STIM1: variants seen among roughly 807,000 people sequenced by gnomAD.
STIM1 encodes stromal interaction molecule 1.
A neutral mutation model predicts 74.7 loss-of-function variants in STIM1; 25 were observed. The ratio of observed to expected loss-of-function variants is 0.33; its 90% CI spans 0.24 to 0.47. The LOEUF (loss-of-function observed/expected upper bound fraction) is 0.47. Ranked by LOEUF, STIM1 falls within the 20% of genes least tolerant of loss-of-function variation. The pLI is 1.00. For synonymous variants in STIM1, 328 were observed against 348.8 expected, an observed-to-expected ratio of 0.94 and a Z score of 0.66; for missense variants, 728 against 920.8, an observed-to-expected ratio of 0.79 and a Z score of 2.71.
chr11:4,062,171 A>G (rs1235792863), intron 5 of STIM1, among the ~76,000 whole-genome samples: 1 of 152,236 alleles, frequency 6.6e-6, no homozygotes, highest in Admixed American at 6.5e-5. Context: ...TTTAAAAAGC[A>G]TATACAACAA....
intron 1 of STIM1, among the ~76,000 whole-genome samples, chr11:3,914,972 T>G (rs1039201913): frequency 6.6e-6 from 1 of 152,144 alleles, no homozygotes; most frequent in African/African-American, 2.4e-5. Context: ...GGGTGTGACA[T>G]GTTATCTCGT....
intron 5 of STIM1, among the ~76,000 whole-genome samples, chr11:4,065,337 C>G (rs2094358249): frequency 1.3e-5 from 2 of 152,120 alleles, no homozygotes; most frequent in Admixed American, 6.5e-5. Flanking sequence ...GTACCTGCAT[C>G]CTTACCCTCT....
intron 2 of STIM1, among the ~76,000 whole-genome samples, chr11:3,983,565 A>G (rs936234314): frequency 6.6e-6 from 1 of 152,134 alleles, no homozygotes; most frequent in East Asian, 1.9e-4. Flanking sequence ...AGGGGCCTGA[A>G]TCAATTTCTT....
At chr11:3,867,952 G>A (rs2090926215) in intron 1 of STIM1, 2 of 152,196 alleles carry the variant, frequency 1.3e-5, no homozygotes, top group Non-Finnish European at 2.9e-5. Context: ...GCCTCTCTGG[G>A]TTATCTCAGG....
At chr11:4,086,936 C>A in intron 12 of STIM1, 1 of 1,481,624 alleles carries the variant, frequency 6.7e-7, no homozygotes, top group Admixed American at 2.1e-5. Flanking sequence ...TGCCTGCCAG[C>A]TGCTGCTTGA....
intron 2 of STIM1, among the ~76,000 whole-genome samples, chr11:3,995,024 A>G (rs981025621): frequency 4.6e-5 from 7 of 151,880 alleles, no homozygotes; most frequent in Non-Finnish European, 8.8e-5. Context: ...CTCTTTATTG[A>G]CATTCTTTAT....
At position 3,855,931 on chromosome 11, in the gene STIM1, A is replaced by C; in HGVS notation, c.-340A>C. 1 of 333,048 alleles carries C rather than the reference A, an allele frequency of 3.0e-6. No individual in the cohort carries two copies. The highest frequency in any genetic ancestry group is 3.0e-5 in the South Asian group (1 of 33,824). The allele number at this position is 333,048 out of a possible 1,614,324, so 20.6% of individuals were successfully genotyped here. ...CTCCTCCACTTCTGTGCCCGCGGAG[A>C]CTCCGGCCGCCCCCTTCCGCAGGGG... is the stretch of plus-strand genomic sequence containing the variant. On this transcript the variant is annotated 5_prime_UTR_variant, in exon 1 of 13. Coordinates refer to ENST00000526596, the MANE Select transcript of STIM1 (RefSeq NM_001382567.1).
At chr11:4,052,437 A>G (rs2094250767) in intron 3 of STIM1, among the ~76,000 whole-genome samples, 2 of 152,186 alleles carry the variant, frequency 1.3e-5, no homozygotes, top group South Asian at 4.1e-4. Context: ...AATACCACAC[A>G]TCTGTAACCA....
At chr11:3,956,850 A>G (rs2093220543) in intron 1 of STIM1, among the ~76,000 whole-genome samples, 2 of 150,090 alleles carry the variant, frequency 1.3e-5, no homozygotes, top group Non-Finnish European at 3.0e-5. Flanking sequence ...AAAAAAAAAA[A>G]AGTCAGAGAG....
intron 1 of STIM1, among the ~76,000 whole-genome samples, chr11:3,874,138 G>C (rs945376121): frequency 1.3e-5 from 2 of 152,100 alleles, no homozygotes; most frequent in Non-Finnish European, 2.9e-5. Flanking sequence ...GTCCAAAATG[G>C]ACTGCCAAAC....
intron 1 of STIM1, among the ~76,000 whole-genome samples, chr11:3,914,027 A>C (rs1288648664): frequency 2.0e-5 from 3 of 152,158 alleles, no homozygotes; most frequent in Non-Finnish European, 4.4e-5. Flanking sequence ...CAATTTAATT[A>C]CAGTAATTAC....
chr11:4,021,621 C>T (rs2093956721), intron 2 of STIM1, among the ~76,000 whole-genome samples: 1 of 152,158 alleles, frequency 6.6e-6, no homozygotes, highest in South Asian at 2.1e-4. Flanking sequence ...GGTGTGATTG[C>T]TCTAGCTTTG....
chr11:3,862,065 T>A (rs1373940392), intron 1 of STIM1, among the ~76,000 whole-genome samples: 1 of 152,146 alleles, frequency 6.6e-6, no homozygotes, highest in East Asian at 1.9e-4. Context: ...GAGACCAAAC[T>A]GGGCCTCCAG....
At chr11:3,861,721 A>G (rs2090619080) in intron 1 of STIM1, among the ~76,000 whole-genome samples, 1 of 152,236 alleles carries the variant, frequency 6.6e-6, no homozygotes, top group Admixed American at 6.5e-5. Context: ...CAGTAAGAGA[A>G]TATTGAAAAC....
At position 3,863,220 on chromosome 11, in the gene STIM1, ATGTGTGTGTGTG is replaced by A. The variant is rs56737126; in HGVS notation, c.139+6847_139+6858del. ...CACACGTATATATTTGAGACAATGC[ATGTGTGTGTGTG>A]TGTGTGTGTGTGTGTGTGTGTGTGT... On this transcript the variant is annotated intron_variant, in intron 1 of 12. Coordinates refer to ENST00000526596, the MANE Select transcript of STIM1 (RefSeq NM_001382567.1). Among the ~76,000 whole-genome samples the A allele has an allele frequency of 6.2e-3, 778 of 125,888 alleles. 7 individuals are homozygous for A. The highest frequency in any genetic ancestry group is 0.018 in the African/African-American group (614 of 33,576). 82.6% of individuals were successfully genotyped at this position (125,888 alleles called of 152,430 possible). A position where few individuals can be genotyped will look rare whatever the true frequency, so the allele number is the denominator to read the frequency against.
intron 1 of STIM1, among the ~76,000 whole-genome samples, chr11:3,867,842 T>TGGCAGGCA (rs989812350): frequency 3.1e-5 from 4 of 130,756 alleles, no homozygotes; most frequent in Non-Finnish European, 5.2e-5. Flanking sequence ...GAAATCTCAC[T>TGGCAGGCA]GGCAGGCAGG....
chr11:3,881,234 G>C (rs2091488546), intron 1 of STIM1, among the ~76,000 whole-genome samples: 1 of 151,798 alleles, frequency 6.6e-6, no homozygotes, highest in Non-Finnish European at 1.5e-5. Context: ...TTAAGCAGTT[G>C]TTCCTAATTC....
intron 1 of STIM1, among the ~76,000 whole-genome samples, chr11:3,875,325 C>T (rs1003024753): frequency 6.6e-5 from 10 of 152,212 alleles, no homozygotes; most frequent in African/African-American, 2.4e-4. Context: ...TTATTTTTCT[C>T]ACTGACTTGA....
intron 1 of STIM1, among the ~76,000 whole-genome samples, chr11:3,926,899 G>A (rs2092795975): frequency 6.6e-6 from 1 of 152,210 alleles, no homozygotes; most frequent in Non-Finnish European, 1.5e-5. Context: ...CTTAAGTATG[G>A]AGTCATACAG....
Sources: gnomAD v4.1 joint callset for allele counts (sites outside exome capture counted in the v4.1 genomes callset) on GRCh38, gnomAD v4.1.1 for gene constraint, MANE v1.5 for transcripts, NCBI Gene and HGNC (gene_info 2026-07-23, HGNC 2026-07-21) for gene names.